Variants in WDR82 observed in about 807,000 individuals in gnomAD.
WDR82 encodes WD repeat domain 82.
A neutral mutation model predicts 36.1 loss-of-function variants in WDR82; 8 were observed. The ratio of observed to expected loss-of-function variants is 0.22; its 90% CI spans 0.13 to 0.40. WDR82 has a LOEUF of 0.40. WDR82 is among the 10% of genes least tolerant of loss of function. The pLI is 1.00. For synonymous variants in WDR82, 129 were observed against 137.8 expected, an observed-to-expected ratio of 0.94 and a Z score of 0.45; for missense variants, 185 against 400.5, an observed-to-expected ratio of 0.46 and a Z score of 4.59.
intron 1 of WDR82, 123 bp from the exon 2 acceptor site, chr3:52,270,932 C>T: frequency 1.6e-6 from 1 of 633,856 alleles, no homozygotes. Context: ...AGTTCTAACA[C>T]TGGAAAGAAA....
intron 5 of WDR82, among the ~76,000 whole-genome samples, 174 bp from the exon 6 acceptor site, chr3:52,260,046 C>G (rs1352093736): frequency 6.6e-6 from 1 of 152,170 alleles, no homozygotes; most frequent in Non-Finnish European, 1.5e-5. Flanking sequence ...AAGGCTCTTA[C>G]AGGGCCGGGC....
chr3:52,270,675 A>C, intron 2 of WDR82, 37 bp downstream of exon 2: 1 of 1,517,830 alleles, frequency 6.6e-7, no homozygotes, highest in Non-Finnish European at 9.0e-7. Context: ...TTAACAAAGG[A>C]AACCATGACC....
intron 1 of WDR82, among the ~76,000 whole-genome samples, chr3:52,277,751 C>A (rs1055937693): frequency 1.3e-5 from 2 of 152,184 alleles, no homozygotes; most frequent in Non-Finnish European, 2.9e-5. Context: ...AGGGCGGAAT[C>A]GAGGTCACAG....
intron 1 of WDR82, among the ~76,000 whole-genome samples, chr3:52,277,794 G>A (rs1422489196): frequency 6.6e-6 from 1 of 152,186 alleles, no homozygotes; most frequent in African/African-American, 2.4e-5. Flanking sequence ...TGACGCTGCC[G>A]AAGGAGGCAG....
At chr3:52,262,877 C>T (rs1700073409) in intron 3 of WDR82, among the ~76,000 whole-genome samples, 1 of 152,128 alleles carries the variant, frequency 6.6e-6, no homozygotes, top group Admixed American at 6.5e-5. Flanking sequence ...GCCTGTAATC[C>T]CAGCACTTTG....
chr3:52,258,908 TA>T (rs1168859290), intron 7 of WDR82, among the ~76,000 whole-genome samples: 4 of 152,158 alleles, frequency 2.6e-5, no homozygotes, highest in Non-Finnish European at 5.9e-5. Context: ...TTTTCTCATC[TA>T]AAAAAGGGGC....
At chr3:52,277,027 G>C (rs1700209869) in intron 1 of WDR82, among the ~76,000 whole-genome samples, 1 of 146,542 alleles carries the variant, frequency 6.8e-6, no homozygotes, top group Non-Finnish European at 1.5e-5. Context: ...AAAGGAAAAA[G>C]GAACAGCTGG....
intron 2 of WDR82, 33 bp from the exon 3 acceptor site, chr3:52,267,051 A>C: frequency 1.3e-6 from 2 of 1,540,360 alleles, no homozygotes; most frequent in Non-Finnish European, 1.8e-6. Context: ...TGATGATATC[A>C]TACTATTTAA....
chr3:52,274,520 A>T (rs563765046), intron 1 of WDR82, among the ~76,000 whole-genome samples: 8 of 152,308 alleles, frequency 5.3e-5, no homozygotes, highest in African/African-American at 1.7e-4. Context: ...AACTATAAGC[A>T]TGCTATTGCA....
intron 1 of WDR82, among the ~76,000 whole-genome samples, chr3:52,275,170 G>A (rs376334220): frequency 2.6e-5 from 4 of 151,278 alleles, no homozygotes; most frequent in South Asian, 2.1e-4. Flanking sequence ...GCAGTGAGCC[G>A]AGATGGAGCC....
At chr3:52,268,259 G>T (rs776344208) in intron 2 of WDR82, 1 of 467,272 alleles carries the variant, frequency 2.1e-6, no homozygotes, top group South Asian at 1.6e-5. Context: ...GCCCCACTTG[G>T]CAGCTGGCGC....
rs1355945147 is a variant in WDR82, at chr3:52,259,871, C to A, written c.545G>T (p.Gly182Val). The A allele has an allele frequency of 6.2e-7, 1 of 1,611,034 alleles. No individual in the cohort carries two copies. The highest frequency in any genetic ancestry group is 8.5e-7 in the Non-Finnish European group (1 of 1,178,600). The change falls in exon 6 of 9, where the codon GGG (glycine) becomes GTG (valine). Residue 182 changes from glycine (G) to valine (V), a missense_variant and splice_region_variant. Physicochemically the swap from Gly to Val is moderately radical, Grantham distance 109 (BLOSUM62 -3). Around this residue, in one of 3 missense-constraint regions of WDR82, gnomAD observed 110 missense variants for 212.6 expected, o/e 0.52. Transcript: ENST00000296490. ...KLYDLRSFDK[G>V]PFATFKMQYD... ...CTGCATCTTAAAGGTAGCAAATGGC[C>A]CCTGCAAAAGATAAAAAACAGTAGC... is the stretch of plus-strand genomic sequence containing the variant.
intron 3 of WDR82, among the ~76,000 whole-genome samples, chr3:52,262,891 G>A (rs189828827): frequency 4.6e-5 from 7 of 152,320 alleles, no homozygotes; most frequent in African/African-American, 1.7e-4. Context: ...CACTTTGGGA[G>A]GCCCAGGTGG....
chr3:52,261,182 G>C (rs1171574207), intron 4 of WDR82, among the ~76,000 whole-genome samples, 198 bp downstream of exon 4: 1 of 152,120 alleles, frequency 6.6e-6, no homozygotes, highest in Non-Finnish European at 1.5e-5. Context: ...TTAAGCCACA[G>C]AGTACAATGC....
At chr3:52,263,044 C>T (rs1700074601) in intron 3 of WDR82, among the ~76,000 whole-genome samples, 1 of 151,400 alleles carries the variant, frequency 6.6e-6, no homozygotes, top group African/African-American at 2.5e-5. Context: ...GGAAGAATCG[C>T]TTGAACCCCA....
At chr3:52,264,951 G>C (rs1240347754) in intron 3 of WDR82, among the ~76,000 whole-genome samples, 1 of 151,914 alleles carries the variant, frequency 6.6e-6, no homozygotes, top group Non-Finnish European at 1.5e-5. Context: ...ACCACACCCA[G>C]CTGAAATAAC....
intron 1 of WDR82, among the ~76,000 whole-genome samples, chr3:52,276,737 C>T (rs1700206392): frequency 6.6e-6 from 1 of 152,154 alleles, no homozygotes; most frequent in Non-Finnish European, 1.5e-5. Context: ...AGTGACCAGA[C>T]CAGGACAGAA....
At chr3:52,266,925 T>A (rs372254179) in intron 3 of WDR82, 27 bp downstream of exon 3, 1 of 1,589,098 alleles carries the variant, frequency 6.3e-7, no homozygotes, top group Admixed American at 1.7e-5. Flanking sequence ...AAAAGAACTA[T>A]CTGCTTCTAT....
rs1331268341 is a variant in WDR82, at chr3:52,255,427, G to C, written c.*2063C>G. ...CTCTCTTAACAATCATTCCTACTGT[G>C]AATTTTCTACCCGGAAAAGCCAGGG... On this transcript the variant is annotated 3_prime_UTR_variant, in exon 9 of 9. Transcript: ENST00000296490. The C allele has an allele frequency of 6.6e-6, 1 of 152,050 alleles. No homozygotes were observed. Among genetic ancestry groups the C allele is most frequent in the East Asian group, 1.9e-4 (1 of 5,188 alleles). The allele number at this position is 152,050 out of a possible 1,614,324, so 9.4% of individuals were successfully genotyped here.
Sources: allele counts gnomAD v4.1 joint callset (sites outside exome capture counted in the v4.1 genomes callset), GRCh38; gene constraint gnomAD v4.1.1; regional missense constraint gnomAD v4.1.1; transcripts MANE v1.5; gene names NCBI Gene and HGNC (gene_info 2026-07-23, HGNC 2026-07-21).